The following CTNNA2 variants were observed in gnomAD, a reference collection of about 807,000 sequenced individuals.
The protein encoded by CTNNA2 is catenin alpha-2.
A neutral mutation model predicts 101.0 loss-of-function variants in CTNNA2; 42 were observed. The observed-to-expected ratio is 0.42, with a 90% CI of 0.32 to 0.54. The LOEUF (loss-of-function observed/expected upper bound fraction) is 0.54, where lower values mean the gene tolerates loss of function less well. Ranked by LOEUF, CTNNA2 falls within the 20% of genes least tolerant of loss-of-function variation. The probability of loss-of-function intolerance (pLI) is 0.14; values close to 1 mark genes in which losing one functional copy is unlikely to be tolerated. For missense variants in CTNNA2, 871 were observed against 1,223.1 expected, an observed-to-expected ratio of 0.71 and a Z score of 4.29; for synonymous variants, 450 against 456.4, an observed-to-expected ratio of 0.99 and a Z score of 0.18.
intron 7 of CTNNA2, among the ~76,000 whole-genome samples, chr2:79,970,876 G>A (rs1558687239): frequency 6.6e-6 from 1 of 152,140 alleles, no homozygotes; most frequent in Non-Finnish European, 1.5e-5. Context: ...CTCAGAGAGG[G>A]AAAAGACTTG....
intron 18 of CTNNA2, among the ~76,000 whole-genome samples, chr2:80,638,893 A>AT (rs1178816761): frequency 1.3e-5 from 2 of 152,188 alleles, no homozygotes; most frequent in Non-Finnish European, 2.9e-5. Context: ...GCTGTGGAGA[A>AT]TTTTTTCTTA....
At chr2:79,227,821 A>G (rs541921336) in intron 2 of CTNNA2, among the ~76,000 whole-genome samples, 2 of 152,284 alleles carry the variant, frequency 1.3e-5, no homozygotes, top group East Asian at 3.9e-4. Context: ...GGTAAATTAC[A>G]TGATACTGAG....
At chr2:79,206,241 T>G (rs1421292372) in intron 2 of CTNNA2, among the ~76,000 whole-genome samples, 1 of 151,642 alleles carries the variant, frequency 6.6e-6, no homozygotes, top group Non-Finnish European at 1.5e-5. Context: ...GAGTTAGAAT[T>G]CGGCAATTAT....
intron 4 of CTNNA2, among the ~76,000 whole-genome samples, chr2:79,410,921 A>T (rs551263504): frequency 1.2e-4 from 18 of 152,166 alleles, no homozygotes; most frequent in Admixed American, 2.0e-4. Flanking sequence ...CTGTGAATCC[A>T]TCTGGTCCTG....
intron 3 of CTNNA2, among the ~76,000 whole-genome samples, chr2:79,836,785 G>A (rs1014116948): frequency 2.0e-5 from 3 of 151,644 alleles, no homozygotes; most frequent in Non-Finnish European, 2.9e-5. Context: ...CTTTCTTTAT[G>A]TACTGTTAGA....
chr2:79,754,837 A>C (rs1348890502), intron 3 of CTNNA2, among the ~76,000 whole-genome samples: 2 of 151,984 alleles, frequency 1.3e-5, no homozygotes, highest in African/African-American at 2.4e-5. Flanking sequence ...TCACTCCTGT[A>C]TGGGGAGCGG....
chr2:79,956,503 C>T (rs1476695767), intron 7 of CTNNA2, among the ~76,000 whole-genome samples: 1 of 151,958 alleles, frequency 6.6e-6, no homozygotes, highest in Non-Finnish European at 1.5e-5. Context: ...TAAAGTATTC[C>T]CTTATTTGAA....
At chr2:79,376,116 G>A (rs576233299) in intron 4 of CTNNA2, among the ~76,000 whole-genome samples, 47 of 152,246 alleles carry the variant, frequency 3.1e-4, no homozygotes, top group Non-Finnish European at 5.3e-4. Context: ...CTTGAGTTAA[G>A]CAGAAGATGG....
At chr2:80,510,800 C>A (rs1376817374) in intron 9 of CTNNA2, among the ~76,000 whole-genome samples, 1 of 152,152 alleles carries the variant, frequency 6.6e-6, no homozygotes, top group Non-Finnish European at 1.5e-5. Flanking sequence ...AATCTATAAT[C>A]CTGGAATAGA....
At chr2:79,427,405 A>G (rs965727851) in intron 4 of CTNNA2, among the ~76,000 whole-genome samples, 6 of 151,960 alleles carry the variant, frequency 3.9e-5, no homozygotes, top group African/African-American at 1.2e-4. Flanking sequence ...ATATGTTACT[A>G]AAAAAACTCA....
intron 7 of CTNNA2, among the ~76,000 whole-genome samples, chr2:79,927,528 A>G (rs1439042557): frequency 6.6e-6 from 1 of 152,192 alleles, no homozygotes; most frequent in Non-Finnish European, 1.5e-5. Context: ...TTTTTTTTCA[A>G]CAAGAAGATA....
chr2:79,470,210 T>C (rs1341860448), intron 4 of CTNNA2, among the ~76,000 whole-genome samples: 1 of 152,194 alleles, frequency 6.6e-6, no homozygotes, highest in Non-Finnish European at 1.5e-5. Flanking sequence ...CAGTAATTTA[T>C]GATACAACAC....
intron 3 of CTNNA2, among the ~76,000 whole-genome samples, chr2:79,358,387 A>T (rs1037202599): frequency 6.6e-6 from 1 of 152,038 alleles, no homozygotes; most frequent in Admixed American, 6.6e-5. Context: ...TTTAGTAGAG[A>T]TGGGGTTTCA....
intron 3 of CTNNA2, among the ~76,000 whole-genome samples, chr2:79,772,919 TTAATG>T (rs1434079584): frequency 2.0e-5 from 3 of 152,224 alleles, no homozygotes; most frequent in East Asian, 3.9e-4. Flanking sequence ...TTTAAAAACT[TTAATG>T]TAGCATTTTC....
chr2:79,380,897 C>T (rs1055624026), intron 4 of CTNNA2, among the ~76,000 whole-genome samples: 1 of 152,166 alleles, frequency 6.6e-6, no homozygotes, highest in Admixed American at 6.6e-5. Flanking sequence ...GAGGGTTGTA[C>T]TCTCCAAAGC....
At chr2:80,472,565 A>G (rs1685395136) in intron 9 of CTNNA2, among the ~76,000 whole-genome samples, 1 of 152,200 alleles carries the variant, frequency 6.6e-6, no homozygotes, top group Non-Finnish European at 1.5e-5. Flanking sequence ...TTTTGACTGA[A>G]TGAAATAAAG....
intron 7 of CTNNA2, among the ~76,000 whole-genome samples, chr2:80,164,339 C>T (rs985808674): frequency 1.3e-5 from 2 of 151,776 alleles, no homozygotes; most frequent in Non-Finnish European, 2.9e-5. Context: ...TAATAGTTGA[C>T]CTAGGCAATA....
In CTNNA2 at chr2:79,543,747, T is replaced by C. The variant is rs10202969; in HGVS notation, c.-6+30540T>C. On this transcript the variant is annotated intron_variant, in intron 1 of 18. Transcript: ENST00000402739. ...AGAACTACCTGGAAATAAAACATTG[T>C]GTCCATCTGTTTTACAAAGTCCATT... Among the ~76,000 whole-genome samples the C allele has an allele frequency of 1.8e-3, 274 of 152,338 alleles. 1 individual carries two copies. Among genetic ancestry groups the C allele is most frequent in the African/African-American group, 6.1e-3 (255 of 41,590 alleles).
chr2:80,355,857 A>G (rs1349969059), intron 7 of CTNNA2, among the ~76,000 whole-genome samples: 1 of 152,186 alleles, frequency 6.6e-6, no homozygotes, highest in South Asian at 2.1e-4. Context: ...CCCAGAGGTT[A>G]AAATTAATGA....
Sources: gnomAD v4.1 joint callset for allele counts (sites outside exome capture counted in the v4.1 genomes callset) on GRCh38, gnomAD v4.1.1 for gene constraint, MANE v1.5 for transcripts, NCBI Gene and HGNC (gene_info 2026-07-23, HGNC 2026-07-21) for gene names.